Variants in RBMS1 observed in about 807,000 individuals in gnomAD.
The protein encoded by RBMS1 is RNA binding motif single stranded interacting protein 1.
A neutral mutation model predicts 62.3 loss-of-function variants in RBMS1; 17 were observed. That is an observed-to-expected ratio of 0.27 (90% CI 0.19 to 0.41). RBMS1 has a LOEUF of 0.41. Ranked by LOEUF, RBMS1 falls within the 10% of genes least tolerant of loss-of-function variation. The pLI is 1.00. For synonymous variants in RBMS1, 172 were observed against 170.0 expected (o/e 1.01, Z -0.09); for missense variants, 334 against 504.5 (o/e 0.66, Z 3.24).
At chr2:160,427,850 T>G (rs1472300221) in intron 1 of RBMS1, among the ~76,000 whole-genome samples, 1 of 152,178 alleles carries the variant, frequency 6.6e-6, no homozygotes, top group African/African-American at 2.4e-5. Flanking sequence ...GGAAGTGACT[T>G]TTACTCAAGA....
chr2:160,283,320 T>C (rs1408224049), intron 9 of RBMS1: 2 of 152,144 alleles, frequency 1.3e-5, no homozygotes, highest in African/African-American at 4.8e-5. Flanking sequence ...GAATTGTTAA[T>C]TAGGGAAGTG....
chr2:160,426,094 T>C (rs1682552883), intron 1 of RBMS1, among the ~76,000 whole-genome samples: 1 of 151,958 alleles, frequency 6.6e-6, no homozygotes, highest in South Asian at 2.1e-4. Context: ...TCAAAACACT[T>C]ATATTAAGAA....
intron 6 of RBMS1, among the ~76,000 whole-genome samples, chr2:160,291,934 T>C (rs1688701490): frequency 6.6e-6 from 1 of 152,252 alleles, no homozygotes; most frequent in Non-Finnish European, 1.5e-5. Context: ...ACTACTTTTC[T>C]AAGTCTATGT....
intron 1 of RBMS1, chr2:160,407,938 C>T: frequency 1.0e-6 from 1 of 979,298 alleles, no homozygotes; most frequent in South Asian, 4.7e-5. Context: ...GAGGCGGCAG[C>T]GCACCGCCTC....
At chr2:160,393,301 T>C (rs960884830) in intron 1 of RBMS1, among the ~76,000 whole-genome samples, 6 of 152,244 alleles carry the variant, frequency 3.9e-5, no homozygotes, top group Non-Finnish European at 7.3e-5. Flanking sequence ...GAAGCTCTTA[T>C]GGCACTAATT....
intron 10 of RBMS1, 53 bp from the exon 11 acceptor site, chr2:160,278,711 A>G: frequency 8.8e-7 from 1 of 1,133,286 alleles, no homozygotes; most frequent in Non-Finnish European, 1.3e-6. Flanking sequence ...AAGAGTTAAG[A>G]TCCTGTAATT....
At chr2:160,408,159 C>T (rs926106488) in intron 1 of RBMS1, among the ~76,000 whole-genome samples, 2 of 151,788 alleles carry the variant, frequency 1.3e-5, no homozygotes, top group Non-Finnish European at 2.9e-5. Context: ...GTAGCCAACC[C>T]CCCTCCTCTG....
At chr2:160,430,828 T>G (rs1401040453) in intron 1 of RBMS1, among the ~76,000 whole-genome samples, 1 of 152,080 alleles carries the variant, frequency 6.6e-6, no homozygotes, top group Non-Finnish European at 1.5e-5. Flanking sequence ...TGACCCTTAA[T>G]TCTTTCCTTG....
At chr2:160,278,392 C>G in intron 11 of RBMS1, 156 bp downstream of exon 11, 1 of 655,984 alleles carries the variant, frequency 1.5e-6, no homozygotes, top group South Asian at 1.8e-5. Context: ...TAAGAAATAG[C>G]TGAGTATTTA....
intron 2 of RBMS1, among the ~76,000 whole-genome samples, chr2:160,339,324 G>C (rs1419077570): frequency 6.6e-6 from 1 of 152,054 alleles, no homozygotes; most frequent in South Asian, 2.1e-4. Context: ...TGATGAACAA[G>C]TTATTTTAAT....
intron 1 of RBMS1, among the ~76,000 whole-genome samples, chr2:160,438,146 A>G (rs1683191583): frequency 6.6e-6 from 1 of 152,224 alleles, no homozygotes; most frequent in South Asian, 2.1e-4. Context: ...GAAAGCATTC[A>G]GAAGTAAAGA....
intron 1 of RBMS1, among the ~76,000 whole-genome samples, chr2:160,440,713 T>C (rs1167493311): frequency 1.3e-5 from 2 of 152,220 alleles, no homozygotes; most frequent in African/African-American, 4.8e-5. Context: ...TAACATTCTT[T>C]CTAGGGATTC....
chr2:160,285,987 T>C (rs1688365046), intron 7 of RBMS1, among the ~76,000 whole-genome samples: 2 of 151,946 alleles, frequency 1.3e-5, no homozygotes, highest in African/African-American at 4.8e-5. Flanking sequence ...GGTGGGTGCC[T>C]GTAGTCCCAG....
At chr2:160,473,629 T>C (rs1685013053) in intron 1 of RBMS1, among the ~76,000 whole-genome samples, 1 of 152,182 alleles carries the variant, frequency 6.6e-6, no homozygotes, top group African/African-American at 2.4e-5. Flanking sequence ...CATCTTATAA[T>C]TGCTCTAGGA....
intron 9 of RBMS1, 56 bp downstream of exon 9, chr2:160,284,719 C>T (rs1559317605): frequency 7.8e-7 from 1 of 1,288,322 alleles, no homozygotes; most frequent in Admixed American, 1.7e-5. Context: ...AAAAATGTAG[C>T]AGAGATTCAT....
At chr2:160,454,558 A>G (rs1415934658) in intron 1 of RBMS1, among the ~76,000 whole-genome samples, 1 of 152,198 alleles carries the variant, frequency 6.6e-6, no homozygotes, top group Non-Finnish European at 1.5e-5. Context: ...GAATGTGAGA[A>G]AGAGTGTCCC....
chr2:160,456,383 G>C (rs1162783527), intron 1 of RBMS1, among the ~76,000 whole-genome samples: 1 of 152,142 alleles, frequency 6.6e-6, no homozygotes, highest in Non-Finnish European at 1.5e-5. Context: ...AAGTCATCTG[G>C]CACTTTTGCA....
At chr2:160,486,413 G>A (rs561615007) in intron 1 of RBMS1, among the ~76,000 whole-genome samples, 18 of 152,190 alleles carry the variant, frequency 1.2e-4, no homozygotes, top group Admixed American at 1.1e-3. Flanking sequence ...GTGTGAAATG[G>A]GTCTGGGAAG....
At chr2:160,369,188 T>G (rs1438332283) in intron 1 of RBMS1, among the ~76,000 whole-genome samples, 3 of 152,220 alleles carry the variant, frequency 2.0e-5, no homozygotes, top group Non-Finnish European at 2.9e-5. Flanking sequence ...CCTGAGATCA[T>G]ATCCTACCAA....
Sources: allele counts gnomAD v4.1 joint callset (sites outside exome capture counted in the v4.1 genomes callset), GRCh38; gene constraint gnomAD v4.1.1; transcripts MANE v1.5; gene names NCBI Gene and HGNC (gene_info 2026-07-23, HGNC 2026-07-21).